CMBL: variants seen among roughly 807,000 people sequenced by gnomAD.
The protein encoded by CMBL is carboxymethylenebutenolidase homolog (Pseudomonas).
Under a neutral mutation model 28.7 loss-of-function variants are expected in CMBL, and 17 were observed. The ratio of observed to expected loss-of-function variants is 0.59; its 90% CI spans 0.41 to 0.89. The LOEUF is 0.89. CMBL is among the 40% of genes least tolerant of loss of function. CMBL has a pLI of 0.00. For missense variants in CMBL, 310 were observed against 298.5 expected (o/e 1.04, Z -0.28); for synonymous variants, 106 against 101.6 (o/e 1.04, Z -0.26).
At chr5:10,288,193 G>A (rs1442241388) in intron 3 of CMBL, among the ~76,000 whole-genome samples, 1 of 152,012 alleles carries the variant, frequency 6.6e-6, no homozygotes, top group African/African-American at 2.4e-5. Context: ...CTTGAACCTG[G>A]GAAGCACAGG....
intron 1 of CMBL, among the ~76,000 whole-genome samples, chr5:10,302,059 T>C (rs557508694): frequency 1.3e-5 from 2 of 152,344 alleles, no homozygotes; most frequent in South Asian, 4.1e-4. Context: ...AAGGCTGGAC[T>C]CCTGCCCAGA....
intron 4 of CMBL, among the ~76,000 whole-genome samples, chr5:10,283,109 A>AAAAAAAG (rs1746529547): frequency 6.7e-6 from 1 of 150,278 alleles, no homozygotes. Context: ...AAAAAAAAAG[A>AAAAAAAG]GGATTATAAG....
Position 10,302,401 on chromosome 5 carries a change from T to C in CMBL, c.-20+5224A>G, listed in dbSNP as rs181527500. ...TGGCTCATGCCTATAATTCAGCACA[T>C]TGGAAGGCCAAGGCTGGTGGATCAC... On this transcript the variant is annotated intron_variant, in intron 1 of 5. Coordinates refer to ENST00000296658, the MANE Select transcript of CMBL (RefSeq NM_138809.4). Among the ~76,000 whole-genome samples the C allele has an allele frequency of 2.1e-3, 314 of 151,510 alleles. 1 individual carries two copies. Among genetic ancestry groups the C allele is most frequent in the African/African-American group, 7.1e-3 (292 of 41,268 alleles).
At chr5:10,304,023 G>A (rs578249567) in intron 1 of CMBL, among the ~76,000 whole-genome samples, 1 of 152,230 alleles carries the variant, frequency 6.6e-6, no homozygotes, top group South Asian at 2.1e-4. Flanking sequence ...TGGCTCCCAT[G>A]AAGAGGCAAA....
chr5:10,292,599 T>C (rs1579474331), intron 1 of CMBL, among the ~76,000 whole-genome samples: 1 of 151,600 alleles, frequency 6.6e-6, no homozygotes. Context: ...CCAAGGCAGG[T>C]GGATCACAAG....
intron 2 of CMBL, among the ~76,000 whole-genome samples, chr5:10,288,816 G>A (rs759598518): frequency 2.6e-5 from 4 of 152,186 alleles, no homozygotes; most frequent in African/African-American, 4.8e-5. Flanking sequence ...GGCTGGCATG[G>A]GATGTGGAGG....
At position 10,290,591 on chromosome 5, in the gene CMBL, T is replaced by C. The variant is rs141904993; in HGVS notation, c.172A>G (p.Asn58Asp). 59 of 1,614,234 alleles carry C rather than the reference T, an allele frequency of 3.7e-5. No homozygotes were observed. The Admixed American group carries it at 3.7e-4, about 10-fold the overall frequency. Residue 58 changes from asparagine to aspartate, a missense_variant, in exon 2 of 6, where the codon AAT becomes GAT. Physicochemically the swap from Asn to Asp is conservative, Grantham distance 23. Transcript: ENST00000296658. ...ATCATGTCAGCTATATATCTGGTAT[T>C]GGGCAACTGCCAGCCAAATATATCT... ...IQDIFGWQLPNTRYIADMISG... is the reference protein window; with the variant it reads ...IQDIFGWQLPDTRYIADMISG...
At chr5:10,297,045 C>T (rs771447314) in intron 1 of CMBL, among the ~76,000 whole-genome samples, 17 of 151,658 alleles carry the variant, frequency 1.1e-4, no homozygotes, top group African/African-American at 2.4e-4. Flanking sequence ...ATTAGCCAGG[C>T]GTGGTGGCAC....
chr5:10,285,160 C>T (rs1579470852), intron 4 of CMBL, among the ~76,000 whole-genome samples: 3 of 152,090 alleles, frequency 2.0e-5, no homozygotes. Context: ...TGTGCCAGTA[C>T]ACCCAAGTAA....
At chr5:10,293,264 G>A (rs1397186328) in intron 1 of CMBL, among the ~76,000 whole-genome samples, 2 of 152,202 alleles carry the variant, frequency 1.3e-5, no homozygotes, top group African/African-American at 4.8e-5. Flanking sequence ...CAGTAAACTG[G>A]GTAGCTCATA....
intron 1 of CMBL, among the ~76,000 whole-genome samples, chr5:10,299,778 G>C (rs530608808): frequency 2.4e-4 from 36 of 152,132 alleles, no homozygotes; most frequent in African/African-American, 8.7e-4. Flanking sequence ...TTGAGCCCAG[G>C]AGGTCAAGAC....
At chr5:10,282,653 C>T (rs1314991479) in intron 4 of CMBL, among the ~76,000 whole-genome samples, 2 of 151,998 alleles carry the variant, frequency 1.3e-5, no homozygotes, top group African/African-American at 4.8e-5. Context: ...TGTGGTGGTG[C>T]ATGCCTGTAG....
chr5:10,278,034 C>A lies in CMBL; in HGVS notation c.*2419G>T, dbSNP rs1172422189. The stretch of plus-strand genomic sequence containing the variant: ...CCTCCTGGGAGCAGCCCTCAGCAGG[C>A]AAGGGCTTTGGCCTGTTGGGGTCCA... On this transcript the variant is annotated 3_prime_UTR_variant, in exon 6 of 6. Transcript: ENST00000296658. 6.6e-6 allele frequency among the ~76,000 whole-genome samples: 1 copy of A among 152,220 alleles called. No individual in the cohort carries two copies. Among genetic ancestry groups the A allele is most frequent in the Non-Finnish European group, 1.5e-5 (1 of 68,036 alleles).
At chr5:10,296,360 A>G (rs950796065) in intron 1 of CMBL, among the ~76,000 whole-genome samples, 6 of 152,224 alleles carry the variant, frequency 3.9e-5, no homozygotes, top group African/African-American at 1.4e-4. Flanking sequence ...GGCTCACTAC[A>G]ACCTCCACCT....
intron 1 of CMBL, among the ~76,000 whole-genome samples, chr5:10,297,437 G>A (rs1746827781): frequency 6.6e-6 from 1 of 152,070 alleles, no homozygotes; most frequent in Admixed American, 6.6e-5. Flanking sequence ...AGGCAGGGTG[G>A]TGGATGCCTA....
At chr5:10,287,714 A>AT (rs1306619143) in intron 3 of CMBL, among the ~76,000 whole-genome samples, 20 of 151,056 alleles carry the variant, frequency 1.3e-4, no homozygotes, top group African/African-American at 4.2e-4. Context: ...TAATTAATTA[A>AT]TTTCTTTTTT....
intron 1 of CMBL, among the ~76,000 whole-genome samples, chr5:10,297,467 G>A (rs1362088399): frequency 6.6e-6 from 1 of 151,446 alleles, no homozygotes; most frequent in Admixed American, 6.6e-5. Context: ...ATACTTGGGA[G>A]GCTGAGGCAG....
intron 5 of CMBL, among the ~76,000 whole-genome samples, chr5:10,281,819 C>A (rs1356644644): frequency 2.0e-5 from 3 of 152,288 alleles, no homozygotes; most frequent in Non-Finnish European, 4.4e-5. Context: ...ACAAATGCAT[C>A]CTTCAAGACT....
At chr5:10,282,607 A>G (rs535197532) in intron 4 of CMBL, among the ~76,000 whole-genome samples, 1 of 151,616 alleles carries the variant, frequency 6.6e-6, no homozygotes, top group African/African-American at 2.4e-5. Flanking sequence ...ACATCGCAAA[A>G]CCCTGTCTCT....
Sources: allele counts gnomAD v4.1 joint callset (sites outside exome capture counted in the v4.1 genomes callset), GRCh38; gene constraint gnomAD v4.1.1; transcripts MANE v1.5; gene names NCBI Gene and HGNC (gene_info 2026-07-23, HGNC 2026-07-21).